PALM2AKAP2: variants seen among roughly 807,000 people sequenced by gnomAD.
PALM2AKAP2 encodes PALM2-AKAP2 fusion protein.
In PALM2AKAP2, 37 loss-of-function variants were observed where a neutral mutation model predicts 71.5. The ratio of observed to expected loss-of-function variants is 0.52; its 90% confidence interval spans 0.40 to 0.68. The LOEUF (loss-of-function observed/expected upper bound fraction) is 0.68. Ranked by LOEUF, PALM2AKAP2 falls within the 30% of genes least tolerant of loss-of-function variation. The pLI is 0.00. For missense variants in PALM2AKAP2, 1,224 were observed against 1,191.8 expected (o/e 1.03, Z -0.40); for synonymous variants, 468 against 478.8 (o/e 0.98, Z 0.29).
intron 5 of PALM2AKAP2, 65 bp downstream of exon 5, chr9:109,925,147 T>C: frequency 6.2e-7 from 1 of 1,605,452 alleles, no homozygotes; most frequent in South Asian, 1.1e-5. Context: ...GGGGTTTCAT[T>C]AACAGGGGCT....
intron 1 of PALM2AKAP2, among the ~76,000 whole-genome samples, chr9:110,100,051 C>CTATATATATATA (rs71373968): frequency 0.042 from 4,597 of 109,112 alleles, 155 homozygotes; most frequent in South Asian, 0.067. Flanking sequence ...GTATGTGTGT[C>CTATATATATATA]TATATATATA....
chr9:109,839,369 ATT>A (rs1828585233), intron 1 of PALM2AKAP2, among the ~76,000 whole-genome samples: 1 of 152,248 alleles, frequency 6.6e-6, no homozygotes, highest in Non-Finnish European at 1.5e-5. Context: ...TAAATTAGAT[ATT>A]GATGGGACGT....
Position 109,685,566 on chromosome 9 carries a change from C to CT in PALM2AKAP2, c.5+44700_5+44701insT, listed in dbSNP as rs571452590. 1.2e-3 allele frequency among the ~76,000 whole-genome samples: 178 copies of CT among 152,080 alleles called. 1 individual carries two copies. Among genetic ancestry groups the CT allele is most frequent in the African/African-American group, 4.0e-3 (167 of 41,496 alleles). ...TAAAGACTATAGTCTTTTAAGTGTGCAATAGAATTCTGTCATATATATATT... is the reference window on the plus strand; with the variant it reads ...TAAAGACTATAGTCTTTTAAGTGTGCTAATAGAATTCTGTCATATATATATT... On this transcript the variant is annotated intron_variant, in intron 1 of 6. Coordinates refer to the PALM2AKAP2 transcript ENST00000374531.
intron 2 of PALM2AKAP2, among the ~76,000 whole-genome samples, chr9:110,152,318 G>A (rs926262239): frequency 3.3e-5 from 5 of 152,174 alleles, no homozygotes; most frequent in African/African-American, 9.7e-5. Flanking sequence ...TGAAAATGGG[G>A]CAGATTTCAG....
chr9:109,814,927 C>G (rs1827814917), intron 1 of PALM2AKAP2, among the ~76,000 whole-genome samples: 1 of 152,092 alleles, frequency 6.6e-6, no homozygotes, highest in Non-Finnish European at 1.5e-5. Flanking sequence ...GGGAATCTCT[C>G]AGGAAGTGAT....
chr9:109,699,134 C>G (rs1828016243), intron 1 of PALM2AKAP2, among the ~76,000 whole-genome samples: 1 of 152,032 alleles, frequency 6.6e-6, no homozygotes, highest in Admixed American at 6.6e-5. Context: ...GAAAAATGGG[C>G]AAAGACACAA....
chr9:110,051,835 A>T (rs928268649), intron 1 of PALM2AKAP2, among the ~76,000 whole-genome samples: 1 of 152,088 alleles, frequency 6.6e-6, no homozygotes, highest in East Asian at 1.9e-4. Flanking sequence ...AGCTATTGGA[A>T]GTTTGAAGTA....
chr9:109,960,298 C>T (rs1831829764), intron 6 of PALM2AKAP2, among the ~76,000 whole-genome samples: 1 of 152,210 alleles, frequency 6.6e-6, no homozygotes, highest in Non-Finnish European at 1.5e-5. Flanking sequence ...CTCCTCTGCA[C>T]ACTGCACTCC....
intron 5 of PALM2AKAP2, 63 bp from the exon 6 acceptor site, chr9:109,931,864 G>T: frequency 1.3e-6 from 2 of 1,565,988 alleles, no homozygotes; most frequent in South Asian, 1.1e-5. Flanking sequence ...TGCTGTCTCG[G>T]CAGTGAACCC....
chr9:110,087,282 A>G (rs1053971006), intron 1 of PALM2AKAP2, among the ~76,000 whole-genome samples: 7 of 152,216 alleles, frequency 4.6e-5, no homozygotes, highest in African/African-American at 1.4e-4. Context: ...CTAATGCATC[A>G]TCTTAATACT....
chr9:109,949,902 A>G (rs537914120), intron 6 of PALM2AKAP2, among the ~76,000 whole-genome samples: 1 of 152,288 alleles, frequency 6.6e-6, no homozygotes, highest in Admixed American at 6.5e-5. Context: ...ACCACTTACT[A>G]TGGTGCATTT....
At chr9:109,932,698 A>G (rs1831132711) in intron 6 of PALM2AKAP2, among the ~76,000 whole-genome samples, 1 of 152,152 alleles carries the variant, frequency 6.6e-6, no homozygotes, top group African/African-American at 2.4e-5. Context: ...GAAGGATGCA[A>G]GCAATAAATC....
At chr9:110,003,859 T>C (rs1350593907) in intron 6 of PALM2AKAP2, among the ~76,000 whole-genome samples, 1 of 152,144 alleles carries the variant, frequency 6.6e-6, no homozygotes, top group East Asian at 1.9e-4. Context: ...AACCCCTGCC[T>C]TTTTTTGTTT....
At chr9:109,974,868 T>C (rs1832142955) in intron 6 of PALM2AKAP2, among the ~76,000 whole-genome samples, 1 of 152,182 alleles carries the variant, frequency 6.6e-6, no homozygotes, top group African/African-American at 2.4e-5. Flanking sequence ...ATGCAGACTA[T>C]TCCTCTTGGG....
At chr9:110,056,270 A>G (rs1833838728) in intron 1 of PALM2AKAP2, among the ~76,000 whole-genome samples, 2 of 152,194 alleles carry the variant, frequency 1.3e-5, no homozygotes, top group Admixed American at 6.5e-5. Flanking sequence ...GTCAGCTTAC[A>G]TTACCGTGAT....
intron 1 of PALM2AKAP2, among the ~76,000 whole-genome samples, chr9:109,758,745 T>C (rs1829005455): frequency 6.6e-6 from 1 of 152,066 alleles, no homozygotes; most frequent in Non-Finnish European, 1.5e-5. Context: ...TTAACATGTA[T>C]TCTCATTTAA....
At chr9:109,776,023 A>G (rs1162581105), upstream of PALM2AKAP2, among the ~76,000 whole-genome samples, 3 of 152,252 alleles carry the variant, frequency 2.0e-5, no homozygotes. Context: ...TTTGTTACAT[A>G]CATTATGCAT....
At chr9:110,167,156 A>G (rs1312210197) in intron 3 of PALM2AKAP2, among the ~76,000 whole-genome samples, 5 of 152,258 alleles carry the variant, frequency 3.3e-5, no homozygotes, top group Middle Eastern at 3.4e-3. Context: ...ATTACCTCCT[A>G]TGAGTCCCTC....
intron 6 of PALM2AKAP2, among the ~76,000 whole-genome samples, chr9:110,003,312 G>A (rs937049180): frequency 5.9e-5 from 9 of 152,148 alleles, no homozygotes; most frequent in African/African-American, 1.9e-4. Flanking sequence ...TCAGGAGCAG[G>A]TTGTTCAGTT....
Sources: allele counts gnomAD v4.1 joint callset (sites outside exome capture counted in the v4.1 genomes callset), GRCh38; gene constraint gnomAD v4.1.1; transcripts MANE v1.5; gene names NCBI Gene and HGNC (gene_info 2026-07-23, HGNC 2026-07-21).